Variants in SLIT3 observed in about 807,000 individuals in gnomAD.
The protein encoded by SLIT3 is slit homolog 3 protein.
A neutral mutation model predicts 184.0 loss-of-function variants in SLIT3; 68 were observed. The ratio of observed to expected loss-of-function variants is 0.37; its 90% CI spans 0.30 to 0.45. The LOEUF (loss-of-function observed/expected upper bound fraction) is 0.45, where lower values mean the gene tolerates loss of function less well. Among genes scored for constraint, SLIT3 ranks in the 20% least tolerant of loss-of-function variants. SLIT3 has a pLI of 1.00. For missense variants in SLIT3, 1,707 were observed against 2,026.0 expected, an observed-to-expected ratio of 0.84 and a Z score of 3.02; for synonymous variants, 831 against 828.6, an observed-to-expected ratio of 1.00 and a Z score of -0.05.
intron 4 of SLIT3, among the ~76,000 whole-genome samples, chr5:169,060,680 G>C (rs1758148424): frequency 2.0e-5 from 3 of 152,220 alleles, no homozygotes; most frequent in African/African-American, 7.2e-5. Context: ...GTTAGCCCCT[G>C]CTCCTGGGGG....
intron 4 of SLIT3, among the ~76,000 whole-genome samples, chr5:169,086,497 A>G (rs764930963): frequency 2.8e-4 from 42 of 152,394 alleles, no homozygotes; most frequent in Admixed American, 5.2e-4. Context: ...TGTAAAAAGT[A>G]CACATGAACT....
At chr5:168,944,390 A>T (rs1762413679) in intron 4 of SLIT3, among the ~76,000 whole-genome samples, 1 of 152,198 alleles carries the variant, frequency 6.6e-6, no homozygotes. Flanking sequence ...GCTCCTTGCA[A>T]TAAAGAAATG....
intron 4 of SLIT3, among the ~76,000 whole-genome samples, chr5:169,010,067 A>G (rs866619094): frequency 6.6e-6 from 1 of 152,166 alleles, no homozygotes; most frequent in African/African-American, 2.4e-5. Context: ...AGGAGGAAGG[A>G]GGCAAACGAG....
At chr5:168,809,918 T>G (rs1468798409) in intron 8 of SLIT3, among the ~76,000 whole-genome samples, 1 of 151,738 alleles carries the variant, frequency 6.6e-6, no homozygotes, top group African/African-American at 2.4e-5. Flanking sequence ...GGAGGTGGAG[T>G]GGCCGTGGGA....
chr5:168,945,137 C>T (rs1027581407), intron 4 of SLIT3, among the ~76,000 whole-genome samples: 7 of 152,216 alleles, frequency 4.6e-5, no homozygotes, highest in African/African-American at 1.7e-4. Flanking sequence ...CACAAAGTCA[C>T]ATCACACTGA....
At chr5:168,943,138 T>C (rs1762375510) in intron 4 of SLIT3, among the ~76,000 whole-genome samples, 1 of 152,306 alleles carries the variant, frequency 6.6e-6, no homozygotes, top group South Asian at 2.1e-4. Context: ...CCCAGGATCC[T>C]AAAAGGAGCT....
At position 168,772,953 on chromosome 5, in the gene SLIT3, G is replaced by A. The variant is rs1376519681; in HGVS notation, c.1296-9C>T. 6.3e-7 allele frequency: 1 copy of A among 1,588,514 alleles called. No homozygotes were observed. Among genetic ancestry groups the A allele is most frequent in the Non-Finnish European group, 8.6e-7 (1 of 1,165,836 alleles). The stretch of plus-strand genomic sequence containing the variant: ...GGTTTTGGGCTAAGTGGCTGCGAGA[G>A]GGATGGGGCCGTTAATCAGGAGTGA... On this transcript the variant is annotated splice_polypyrimidine_tract_variant and intron_variant, in intron 13 of 35. Transcript: ENST00000519560.
intron 15 of SLIT3, 105 bp from the exon 16 acceptor site, chr5:168,761,041 G>T (rs1382711563): frequency 1.2e-6 from 1 of 849,812 alleles, no homozygotes; most frequent in Non-Finnish European, 2.0e-6. Flanking sequence ...ACTCGGTGAA[G>T]GACCACAGAG....
At chr5:168,730,687 A>C (rs557724281) in intron 20 of SLIT3, among the ~76,000 whole-genome samples, 3 of 152,182 alleles carry the variant, frequency 2.0e-5, no homozygotes, top group African/African-American at 7.2e-5. Context: ...ATGAAAATGA[A>C]AAAACAACAT....
intron 2 of SLIT3, among the ~76,000 whole-genome samples, chr5:169,248,562 T>C (rs1249983270): frequency 1.3e-5 from 2 of 152,172 alleles, no homozygotes; most frequent in East Asian, 1.9e-4. Flanking sequence ...AGAAAGGCTG[T>C]CCATGGCTGG....
intron 4 of SLIT3, among the ~76,000 whole-genome samples, chr5:168,953,083 G>A (rs927467984): frequency 2.6e-5 from 4 of 152,296 alleles, no homozygotes; most frequent in Admixed American, 2.0e-4. Context: ...GGAGGATTCC[G>A]GCTAAACAGG....
At chr5:169,033,958 G>T (rs1757138378) in intron 4 of SLIT3, among the ~76,000 whole-genome samples, 1 of 151,744 alleles carries the variant, frequency 6.6e-6, no homozygotes, top group Admixed American at 6.6e-5. Flanking sequence ...GACTACAGGT[G>T]TCCACCACCA....
chr5:169,269,067 G>C (rs969339612), intron 1 of SLIT3, among the ~76,000 whole-genome samples: 1 of 152,192 alleles, frequency 6.6e-6, no homozygotes, highest in African/African-American at 2.4e-5. Flanking sequence ...TGGAGGACAG[G>C]CCTGGATGGT....
At chr5:169,065,135 C>T (rs1251960158) in intron 4 of SLIT3, among the ~76,000 whole-genome samples, 2 of 152,166 alleles carry the variant, frequency 1.3e-5, no homozygotes, top group African/African-American at 4.8e-5. Context: ...GCGAAACCTG[C>T]AGATACCACC....
intron 4 of SLIT3, among the ~76,000 whole-genome samples, chr5:168,962,673 G>A (rs555399756): frequency 2.0e-5 from 3 of 152,296 alleles, no homozygotes; most frequent in East Asian, 3.9e-4. Context: ...CTGAGCTGGC[G>A]CTCTTATGAC....
intron 3 of SLIT3, among the ~76,000 whole-genome samples, chr5:169,203,546 A>G: frequency 6.6e-6 from 1 of 152,296 alleles, no homozygotes; most frequent in African/African-American, 2.4e-5. Context: ...GAAAGCAGAC[A>G]ACTCCCCAGA....
chr5:168,884,549 G>GAGATATATATATAT (rs1260481453), intron 4 of SLIT3, among the ~76,000 whole-genome samples: 2 of 41,134 alleles, frequency 4.9e-5, no homozygotes, highest in African/African-American at 2.2e-4. Context: ...CCAATTACGA[G>GAGATATATATATAT]ATATATATAT....
intron 4 of SLIT3, among the ~76,000 whole-genome samples, chr5:168,901,527 G>A (rs538161223): frequency 5.8e-4 from 89 of 152,216 alleles, no homozygotes; most frequent in Admixed American, 1.2e-3. Context: ...TAGGGAAGAG[G>A]ACCAACACCC....
chr5:169,159,539 G>A (rs569861916), intron 4 of SLIT3, among the ~76,000 whole-genome samples: 1 of 145,560 alleles, frequency 6.9e-6, no homozygotes, highest in Admixed American at 6.8e-5. Context: ...ACTTTGGGAG[G>A]CTGAGGTGGG....
Sources: gnomAD v4.1 joint callset for allele counts (sites outside exome capture counted in the v4.1 genomes callset) on GRCh38, gnomAD v4.1.1 for gene constraint, MANE v1.5 for transcripts, NCBI Gene and HGNC (gene_info 2026-07-23, HGNC 2026-07-21) for gene names.